The following CACNA2D3 variants were observed in gnomAD, a reference collection of about 807,000 sequenced individuals.
The protein encoded by CACNA2D3 is voltage-dependent calcium channel subunit alpha-2/delta-3.
A neutral mutation model predicts 160.6 loss-of-function variants in CACNA2D3; 60 were observed. That is an observed-to-expected ratio of 0.37 (90% confidence interval 0.30 to 0.46). The LOEUF (loss-of-function observed/expected upper bound fraction) is 0.46. CACNA2D3 is among the 20% of genes least tolerant of loss of function. CACNA2D3 has a pLI of 1.00. For synonymous variants in CACNA2D3, 558 were observed against 492.9 expected (o/e 1.13, Z -1.75); for missense variants, 1,205 against 1,365.0 (o/e 0.88, Z 1.85).
chr3:54,284,021 C>T (rs763436535), intron 2 of CACNA2D3, among the ~76,000 whole-genome samples: 24 of 152,086 alleles, frequency 1.6e-4, no homozygotes, highest in African/African-American at 3.9e-4. Context: ...GAGATTGCAC[C>T]GCTGCACTCC....
At chr3:55,052,358 CTAACTT>C (rs1464017278) in intron 35 of CACNA2D3, among the ~76,000 whole-genome samples, 1 of 151,736 alleles carries the variant, frequency 6.6e-6, no homozygotes, top group Admixed American at 6.6e-5. Flanking sequence ...AAAACATGAT[CTAACTT>C]TGTGAATATT....
At chr3:54,712,624 A>G (rs1700973191) in intron 11 of CACNA2D3, among the ~76,000 whole-genome samples, 1 of 152,220 alleles carries the variant, frequency 6.6e-6, no homozygotes, top group African/African-American at 2.4e-5. Flanking sequence ...AGAGTCTATT[A>G]AACCTCTTTA....
At chr3:54,541,437 CTAGGAGAGGG>C (rs1255380743) in intron 5 of CACNA2D3, among the ~76,000 whole-genome samples, 4 of 152,168 alleles carry the variant, frequency 2.6e-5, no homozygotes, top group African/African-American at 9.6e-5. Context: ...CCACGAGAAG[CTAGGAGAGGG>C]GATTAGGACA....
At chr3:54,912,067 C>T (rs1559626202) in intron 27 of CACNA2D3, among the ~76,000 whole-genome samples, 2 of 152,176 alleles carry the variant, frequency 1.3e-5, no homozygotes, top group Admixed American at 6.5e-5. Flanking sequence ...TTCACCGTCA[C>T]TCATGAGATC....
chr3:54,793,480 A>G (rs892495249), intron 13 of CACNA2D3, among the ~76,000 whole-genome samples: 1 of 152,192 alleles, frequency 6.6e-6, no homozygotes, highest in South Asian at 2.1e-4. Context: ...TAATAATGAG[A>G]TGGTTTGGCC....
At chr3:54,599,082 G>A (rs1703016152) in intron 9 of CACNA2D3, among the ~76,000 whole-genome samples, 1 of 152,172 alleles carries the variant, frequency 6.6e-6, no homozygotes, top group Non-Finnish European at 1.5e-5. Flanking sequence ...CTATTGAGTT[G>A]CTTGCAGGTG....
intron 35 of CACNA2D3, among the ~76,000 whole-genome samples, chr3:55,045,722 G>A: frequency 6.6e-6 from 1 of 152,140 alleles, no homozygotes; most frequent in East Asian, 1.9e-4. Flanking sequence ...TTTAGTGTCT[G>A]TAGAATCTGT....
intron 2 of CACNA2D3, among the ~76,000 whole-genome samples, chr3:54,194,113 A>G (rs146037958): frequency 3.9e-4 from 59 of 152,238 alleles, no homozygotes; most frequent in African/African-American, 1.4e-3. Context: ...GAGGTTGGTT[A>G]ATGGGTACAA....
intron 4 of CACNA2D3, among the ~76,000 whole-genome samples, chr3:54,463,268 C>G (rs1190535711): frequency 1.3e-4 from 20 of 152,096 alleles, no homozygotes; most frequent in Admixed American, 1.3e-3. Flanking sequence ...AGTTGCTCTT[C>G]TCGAGGAGTA....
At chr3:55,011,857 G>T (rs756565299) in intron 34 of CACNA2D3, among the ~76,000 whole-genome samples, 1 of 152,078 alleles carries the variant, frequency 6.6e-6, no homozygotes, top group Admixed American at 6.6e-5. Flanking sequence ...ATGCGCACTT[G>T]GTTATCTTTT....
intron 3 of CACNA2D3, among the ~76,000 whole-genome samples, chr3:54,359,369 TGG>T (rs1156896095): frequency 6.6e-6 from 1 of 152,146 alleles, no homozygotes; most frequent in Non-Finnish European, 1.5e-5. Flanking sequence ...TTGTCAGGCA[TGG>T]GTAGAGGTCA....
chr3:54,847,548 C>G (rs904166353), intron 17 of CACNA2D3, among the ~76,000 whole-genome samples: 3 of 152,222 alleles, frequency 2.0e-5, no homozygotes, highest in Non-Finnish European at 2.9e-5. Flanking sequence ...AGAGCTCCAT[C>G]ATCATGCAAC....
At chr3:54,909,646 T>TTA (rs1022240791) in intron 27 of CACNA2D3, among the ~76,000 whole-genome samples, 13 of 135,636 alleles carry the variant, frequency 9.6e-5, no homozygotes, top group African/African-American at 3.6e-4. Context: ...TTTTGTGATT[T>TTA]TTTTTTTTTT....
intron 15 of CACNA2D3, 36 bp from the exon 16 acceptor site, chr3:54,838,532 T>G: frequency 1.3e-6 from 2 of 1,528,494 alleles, no homozygotes; most frequent in Non-Finnish European, 1.8e-6. Context: ...CCAAGTTAAC[T>G]TACTGTTATT....
chr3:54,590,040 A>G (rs1438633098), intron 9 of CACNA2D3, among the ~76,000 whole-genome samples: 4 of 152,176 alleles, frequency 2.6e-5, no homozygotes, highest in African/African-American at 4.8e-5. Flanking sequence ...TTACTCAGCA[A>G]TTGCATCCTT....
intron 2 of CACNA2D3, among the ~76,000 whole-genome samples, chr3:54,294,768 A>G (rs772077631): frequency 6.6e-6 from 1 of 152,178 alleles, no homozygotes; most frequent in Non-Finnish European, 1.5e-5. Flanking sequence ...ATAGAGCTGG[A>G]GATTGCCTGG....
intron 4 of CACNA2D3, among the ~76,000 whole-genome samples, chr3:54,389,288 C>T (rs949380750): frequency 1.4e-5 from 2 of 138,762 alleles, no homozygotes; most frequent in Non-Finnish European, 3.1e-5. Context: ...AAGAGCGAAA[C>T]TCCGTCTTAA....
chr3:54,853,718 G>C (rs548124959), intron 17 of CACNA2D3, among the ~76,000 whole-genome samples: 67 of 152,286 alleles, frequency 4.4e-4, no homozygotes, highest in Admixed American at 4.4e-3. Context: ...TTAGAGGAAG[G>C]GTGCCCTGAG....
At chr3:54,463,398 C>T (rs1190802378) in intron 4 of CACNA2D3, among the ~76,000 whole-genome samples, 2 of 152,208 alleles carry the variant, frequency 1.3e-5, no homozygotes, top group Non-Finnish European at 1.5e-5. Context: ...TTCTTCCCGT[C>T]ACTTTCAGGT....
Sources: allele counts gnomAD v4.1 joint callset (sites outside exome capture counted in the v4.1 genomes callset), GRCh38; gene constraint gnomAD v4.1.1; transcripts MANE v1.5; gene names NCBI Gene and HGNC (gene_info 2026-07-23, HGNC 2026-07-21).